The following ERBB4 variants were observed in gnomAD, a reference collection of about 807,000 sequenced individuals.
ERBB4 encodes the protein receptor tyrosine-protein kinase erbB-4.
ERBB4 carries 42 observed loss-of-function variants against 158.0 expected under a neutral mutation model. The ratio of observed to expected loss-of-function variants is 0.27; its 90% CI spans 0.21 to 0.34. ERBB4 has a LOEUF of 0.34. ERBB4 is among the 10% of genes least tolerant of loss of function. ERBB4 has a pLI of 1.00. For synonymous variants in ERBB4, 583 were observed against 558.7 expected (o/e 1.04, Z -0.61); for missense variants, 1,333 against 1,624.1 (o/e 0.82, Z 3.08).
At chr2:211,711,978 A>G in intron 9 of ERBB4, 72 bp downstream of exon 9, 1 of 1,342,494 alleles carries the variant, frequency 7.4e-7, no homozygotes, top group Non-Finnish European at 1.1e-6. Flanking sequence ...GAATCAAATA[A>G]ACAAAACTAA....
At chr2:211,572,709 A>G (rs113655084) in intron 19 of ERBB4, among the ~76,000 whole-genome samples, 13 of 152,282 alleles carry the variant, frequency 8.5e-5, no homozygotes, top group African/African-American at 2.6e-4. Context: ...CTGTTACTTA[A>G]TCCTGCTCCT....
chr2:211,878,178 A>T (rs1471887825), intron 3 of ERBB4, among the ~76,000 whole-genome samples: 2 of 152,186 alleles, frequency 1.3e-5, no homozygotes, highest in Non-Finnish European at 2.9e-5. Flanking sequence ...TTTCTAAACA[A>T]ATTAAAATCT....
intron 25 of ERBB4, among the ~76,000 whole-genome samples, chr2:211,417,463 G>C (rs920341595): frequency 6.6e-6 from 1 of 152,112 alleles, no homozygotes; most frequent in African/African-American, 2.4e-5. Context: ...GACAGAGTGA[G>C]ATCCTGTCTC....
chr2:211,451,167 T>G (rs947249466), intron 20 of ERBB4, among the ~76,000 whole-genome samples: 2 of 152,152 alleles, frequency 1.3e-5, no homozygotes, highest in African/African-American at 4.8e-5. Flanking sequence ...CAAAGAGCAG[T>G]GCAGCAGAAA....
intron 1 of ERBB4, among the ~76,000 whole-genome samples, chr2:212,408,106 T>C (rs2091400785): frequency 2.0e-5 from 3 of 152,148 alleles, no homozygotes; most frequent in African/African-American, 4.8e-5. Context: ...TTTTAAGTTC[T>C]GAGGTACATG....
intron 3 of ERBB4, among the ~76,000 whole-genome samples, chr2:211,808,492 T>A (rs1234932876): frequency 6.6e-6 from 1 of 152,190 alleles, no homozygotes. Context: ...TCTATATCTC[T>A]GTTTTGGTAC....
chr2:211,690,400 A>T (rs1351787834), intron 12 of ERBB4, among the ~76,000 whole-genome samples: 2 of 152,164 alleles, frequency 1.3e-5, no homozygotes, highest in Admixed American at 6.6e-5. Context: ...ATGCTTTGAC[A>T]TAAATTGGAG....
At chr2:212,517,485 A>T (rs1380391509) in intron 1 of ERBB4, among the ~76,000 whole-genome samples, 1 of 152,092 alleles carries the variant, frequency 6.6e-6, no homozygotes, top group Non-Finnish European at 1.5e-5. Flanking sequence ...ATCAATGATT[A>T]TCCCAATACT....
At chr2:211,881,953 A>G (rs1041006289) in intron 3 of ERBB4, among the ~76,000 whole-genome samples, 1 of 152,124 alleles carries the variant, frequency 6.6e-6, no homozygotes, top group African/African-American at 2.4e-5. Context: ...GACTTTCTGG[A>G]GGACCAAAGA....
At chr2:211,844,464 T>G (rs1208259731) in intron 3 of ERBB4, among the ~76,000 whole-genome samples, 2 of 152,202 alleles carry the variant, frequency 1.3e-5, no homozygotes, top group East Asian at 3.9e-4. Flanking sequence ...GATAAATATC[T>G]GACCCATGTC....
At chr2:211,398,056 A>G (rs770666196) in intron 25 of ERBB4, among the ~76,000 whole-genome samples, 3 of 152,110 alleles carry the variant, frequency 2.0e-5, no homozygotes, top group Non-Finnish European at 4.4e-5. Context: ...CAGCATTTCA[A>G]ACATCACATT....
At chr2:211,846,056 T>G (rs1348312005) in intron 3 of ERBB4, among the ~76,000 whole-genome samples, 3 of 151,760 alleles carry the variant, frequency 2.0e-5, no homozygotes, top group African/African-American at 4.8e-5. Flanking sequence ...ATTGTTGTTT[T>G]TTTTTTTCAT....
intron 23 of ERBB4, among the ~76,000 whole-genome samples, chr2:211,422,691 A>G (rs1478360958): frequency 6.6e-6 from 1 of 151,886 alleles, no homozygotes; most frequent in Non-Finnish European, 1.5e-5. Context: ...GACAAGAATA[A>G]AAGTATCAAG....
intron 1 of ERBB4, among the ~76,000 whole-genome samples, chr2:212,315,353 C>T (rs4404216): frequency 2.0e-5 from 3 of 151,180 alleles, no homozygotes; most frequent in Admixed American, 6.6e-5. Context: ...GAATCCAACA[C>T]GTGGCTTGTG....
At position 212,532,621 on chromosome 2, in the gene ERBB4, C is replaced by A. The variant is rs570370297; in HGVS notation, c.82+5828G>T. ...AAAGGTAAGGCGATTGAGACAGAAGCAAGTAGTCTAATCCCAGATCACATA... is the reference window on the plus strand; with the variant it reads ...AAAGGTAAGGCGATTGAGACAGAAGAAAGTAGTCTAATCCCAGATCACATA... On this transcript the variant is annotated intron_variant, in intron 1 of 27. Transcript: ENST00000342788. 2.0e-5 allele frequency among the ~76,000 whole-genome samples: 3 copies of A among 152,328 alleles called. No homozygotes were observed. The South Asian group carries it at 6.2e-4, about 32-fold the overall frequency.
At chr2:211,747,749 A>G (rs530985140) in intron 5 of ERBB4, among the ~76,000 whole-genome samples, 116 of 152,056 alleles carry the variant, frequency 7.6e-4, no homozygotes, top group Admixed American at 1.5e-3. Flanking sequence ...ACCCTAATAC[A>G]GTGATTGAAT....
intron 2 of ERBB4, among the ~76,000 whole-genome samples, chr2:212,056,515 G>A (rs1344667045): frequency 2.6e-5 from 4 of 152,152 alleles, no homozygotes. Flanking sequence ...AAAATGTTAA[G>A]GGCAGCCAGA....
At chr2:212,000,902 AT>A (rs1479683120) in intron 2 of ERBB4, among the ~76,000 whole-genome samples, 9 of 151,942 alleles carry the variant, frequency 5.9e-5, no homozygotes, top group South Asian at 2.1e-4. Flanking sequence ...AAGAAAAAAA[AT>A]AAATTATATC....
intron 3 of ERBB4, among the ~76,000 whole-genome samples, chr2:211,859,427 G>C (rs1161445641): frequency 6.6e-6 from 1 of 152,080 alleles, no homozygotes; most frequent in East Asian, 1.9e-4. Context: ...TTTTTAGGCT[G>C]AATTTCATGA....
Sources: allele counts gnomAD v4.1 joint callset (sites outside exome capture counted in the v4.1 genomes callset), GRCh38; gene constraint gnomAD v4.1.1; transcripts MANE v1.5; gene names NCBI Gene and HGNC (gene_info 2026-07-23, HGNC 2026-07-21).